Variants in COMMD10 observed in about 807,000 individuals in gnomAD.
The protein encoded by COMMD10 is COMM domain containing 10.
Under a neutral mutation model 28.9 loss-of-function variants are expected in COMMD10, and 33 were observed. The ratio of observed to expected loss-of-function variants is 1.14; its 90% confidence interval spans 0.87 to 1.53. The LOEUF (loss-of-function observed/expected upper bound fraction) is 1.53. Among genes scored for constraint, COMMD10 ranks in the 40% most tolerant of loss-of-function variants. COMMD10 has a pLI of 0.00. For missense variants in COMMD10, 310 were observed against 233.4 expected (o/e 1.33, Z -2.14); for synonymous variants, 110 against 81.7 (o/e 1.35, Z -1.87).
intron 5 of COMMD10, 126 bp downstream of exon 5, chr5:116,134,304 G>T (rs1751960315): frequency 1.8e-6 from 1 of 564,532 alleles, no homozygotes; most frequent in African/African-American, 1.9e-5. Context: ...TTATTAATAA[G>T]TGGATCTTTT....
At chr5:116,105,592 C>CT (rs1233961910) in intron 4 of COMMD10, among the ~76,000 whole-genome samples, 1 of 152,080 alleles carries the variant, frequency 6.6e-6, no homozygotes, top group African/African-American at 2.4e-5. Flanking sequence ...TAGTCTGGGA[C>CT]TTTTTTTGGT....
intron 5 of COMMD10, among the ~76,000 whole-genome samples, chr5:116,216,888 CAGTTT>C (rs1245824436): frequency 2.0e-5 from 3 of 152,088 alleles, no homozygotes; most frequent in African/African-American, 4.8e-5. Flanking sequence ...TTCTAAATTA[CAGTTT>C]AGTTAACATT....
intron 5 of COMMD10, among the ~76,000 whole-genome samples, chr5:116,177,021 G>C (rs1753535533): frequency 6.6e-6 from 1 of 152,124 alleles, no homozygotes; most frequent in African/African-American, 2.4e-5. Flanking sequence ...TGTAGTTGCT[G>C]GGCAAGCAGG....
intron 6 of COMMD10, among the ~76,000 whole-genome samples, chr5:116,292,047 AGT>A (rs1751377997): frequency 6.6e-6 from 1 of 151,914 alleles, no homozygotes; most frequent in Non-Finnish European, 1.5e-5. Context: ...TTCTTCTGCC[AGT>A]GTACTGCCAC....
intron 5 of COMMD10, among the ~76,000 whole-genome samples, chr5:116,249,598 C>A (rs781577275): frequency 6.6e-6 from 1 of 151,840 alleles, no homozygotes; most frequent in African/African-American, 2.4e-5. Context: ...ACATCTACAC[C>A]TTATGGGTTA....
At chr5:116,211,498 T>C (rs1748962361) in intron 5 of COMMD10, among the ~76,000 whole-genome samples, 1 of 152,090 alleles carries the variant, frequency 6.6e-6, no homozygotes, top group South Asian at 2.1e-4. Flanking sequence ...ATAGGAAATT[T>C]TGGTTCTATT....
At chr5:116,117,632 T>G (rs1751285253) in intron 4 of COMMD10, among the ~76,000 whole-genome samples, 1 of 151,820 alleles carries the variant, frequency 6.6e-6, no homozygotes, top group Admixed American at 6.6e-5. Context: ...CCTGGCTAAT[T>G]TTTTTGTATT....
intron 4 of COMMD10, among the ~76,000 whole-genome samples, chr5:116,107,482 T>G (rs1244213355): frequency 6.6e-6 from 1 of 152,240 alleles, no homozygotes. Flanking sequence ...CTATTGATAC[T>G]TGTGTATGCT....
At chr5:116,247,963 A>G in intron 5 of COMMD10, among the ~76,000 whole-genome samples, 1 of 144,024 alleles carries the variant, frequency 6.9e-6, no homozygotes, top group Non-Finnish European at 1.5e-5. Flanking sequence ...TGAACTTAAA[A>G]GTTAAAAAGA....
chr5:116,266,084 C>A lies in COMMD10; in HGVS notation c.511-25433C>A, dbSNP rs921855623. Among the ~76,000 whole-genome samples, 4 of 151,526 alleles carry A rather than the reference C, an allele frequency of 2.6e-5. No individual in the cohort carries two copies. In the East Asian group the frequency reaches 7.8e-4, roughly 29 times the overall value. ...TCCTGGAAGAAGTGTTTTAGCTGAC[C>A]CTTAAAAAAGCGGCAGGATTTTGTC... On this transcript the variant is annotated intron_variant, in intron 5 of 6. Transcript: ENST00000274458.
intron 4 of COMMD10, among the ~76,000 whole-genome samples, chr5:116,131,961 G>C (rs562640074): frequency 6.6e-6 from 1 of 151,980 alleles, no homozygotes; most frequent in Non-Finnish European, 1.5e-5. Flanking sequence ...GAGTGGAAAG[G>C]TTGTTATCCC....
intron 5 of COMMD10, among the ~76,000 whole-genome samples, chr5:116,242,911 G>A (rs1375432682): frequency 6.6e-6 from 1 of 152,138 alleles, no homozygotes; most frequent in Non-Finnish European, 1.5e-5. Context: ...ACCTTGACAA[G>A]CAGATAAAAT....
At chr5:116,091,012 T>C in intron 2 of COMMD10, 67 bp from the exon 3 acceptor site, 4 of 901,818 alleles carry the variant, frequency 4.4e-6, no homozygotes, top group Non-Finnish European at 6.9e-6. Flanking sequence ...AAATGAATCT[T>C]CTGTCAAGTA....
At chr5:116,246,789 A>G (rs570972228) in intron 5 of COMMD10, among the ~76,000 whole-genome samples, 9 of 152,324 alleles carry the variant, frequency 5.9e-5, no homozygotes, top group African/African-American at 2.2e-4. Flanking sequence ...AGCCGTATGC[A>G]GAAGGTTGAA....
At chr5:116,134,388 C>T (rs796157132) in intron 5 of COMMD10, among the ~76,000 whole-genome samples, 14 of 151,268 alleles carry the variant, frequency 9.3e-5, no homozygotes, top group African/African-American at 2.7e-4. Context: ...TTAAATTCTG[C>T]AGTGAAAAAA....
At chr5:116,158,875 T>G (rs1308968628) in intron 5 of COMMD10, among the ~76,000 whole-genome samples, 2 of 149,636 alleles carry the variant, frequency 1.3e-5, no homozygotes, top group East Asian at 3.9e-4. Context: ...CCCCCTGAGG[T>G]CAGACTAATT....
chr5:116,151,981 CT>C (rs1314997954), intron 5 of COMMD10, among the ~76,000 whole-genome samples: 1 of 152,120 alleles, frequency 6.6e-6, no homozygotes, highest in Non-Finnish European at 1.5e-5. Context: ...CCTGCTTTCT[CT>C]TGTGGGTATT....
intron 5 of COMMD10, among the ~76,000 whole-genome samples, chr5:116,204,603 C>T (rs1430533969): frequency 6.6e-6 from 1 of 152,024 alleles, no homozygotes; most frequent in East Asian, 1.9e-4. Context: ...TCTGCCTTTC[C>T]CCTTTATTTG....
At chr5:116,135,116 G>T (rs1201135735) in intron 5 of COMMD10, among the ~76,000 whole-genome samples, 1 of 152,074 alleles carries the variant, frequency 6.6e-6, no homozygotes, top group Non-Finnish European at 1.5e-5. Flanking sequence ...AGGTAGAAAA[G>T]GGGGAGTGAC....
Sources: gnomAD v4.1 joint callset for allele counts (sites outside exome capture counted in the v4.1 genomes callset) on GRCh38, gnomAD v4.1.1 for gene constraint, MANE v1.5 for transcripts, NCBI Gene and HGNC (gene_info 2026-07-23, HGNC 2026-07-21) for gene names.